Variants in SPEN observed in about 807,000 individuals in gnomAD.
The protein encoded by SPEN is spen family transcriptional repressor.
A neutral mutation model predicts 269.9 loss-of-function variants in SPEN; 18 were observed. The observed-to-expected ratio is 0.07, with a 90% CI of 0.05 to 0.10. SPEN has a LOEUF of 0.10. Ranked by LOEUF, SPEN falls within the 10% of genes least tolerant of loss-of-function variation. The probability of loss-of-function intolerance (pLI) is 1.00; values close to 1 mark genes in which losing one functional copy is unlikely to be tolerated. For synonymous variants in SPEN, 1,726 were observed against 1,765.7 expected (o/e 0.98, Z 0.56); for missense variants, 3,822 against 4,631.2 (o/e 0.83, Z 5.07).
Position 15,934,819 on chromosome 1 carries a change from C to G in SPEN, c.8579C>G (p.Ser2860Cys). The G allele has an allele frequency of 1.9e-6, 3 of 1,614,206 alleles. No homozygotes were observed. The highest frequency in any genetic ancestry group is 2.5e-6 in the Non-Finnish European group (3 of 1,180,030). Residue 2860 changes from serine to cysteine, a missense_variant, in exon 11 of 15, where the codon TCT (serine) becomes TGT (cysteine). Coordinates refer to ENST00000375759, the MANE Select transcript of SPEN (RefSeq NM_015001.3). This position sits in a 1 kb window ranked among gnomAD's most constrained non-coding sequence, Gnocchi z 9.2. The stretch of plus-strand genomic sequence containing the variant: ...TCCAAGTCCCAGGTCAAACCTGATT[C>G]TGTCACAGCATCGCAGCCTCCATCC... The part of the protein sequence containing the change: ...SVSKSQVKPD[S>C]VTASQPPSKG...
At chr1:15,902,782 G>T (rs1046475442) in intron 3 of SPEN, among the ~76,000 whole-genome samples, 3 of 152,204 alleles carry the variant, frequency 2.0e-5, no homozygotes, top group South Asian at 2.1e-4. Context: ...TATATGGAGA[G>T]AAAAATTATT....
Position 15,935,118 on chromosome 1 carries a change from C to T in SPEN, c.8878C>T (p.Leu2960Phe). The change falls in exon 11 of 15, where the codon CTT becomes TTT. Residue 2960 changes from leucine (L) to phenylalanine (F), a missense_variant. By Grantham distance (22) the Leu-to-Phe change is conservative. Around this residue, in one of 16 missense-constraint regions of SPEN, gnomAD observed 20 missense variants for 60.7 expected, o/e 0.33. Transcript: ENST00000375759. The surrounding 1 kb of genome is among the most constrained non-coding windows in gnomAD (Gnocchi z 7.7). ...TPSIVTTNKK[L>F]ADPVTLKIET... is the part of the protein sequence containing the mutation. ...AAGCATTGTCACCACAAACAAGAAG[C>T]TTGCTGACCCCGTCACCCTTAAAAT... 6.2e-7 allele frequency: 1 copy of T among 1,614,108 alleles called. No individual in the cohort carries two copies. Among genetic ancestry groups the T allele is most frequent in the Non-Finnish European group, 8.5e-7 (1 of 1,180,012 alleles).
At chr1:15,854,438 C>T (rs1013900923) in intron 1 of SPEN, among the ~76,000 whole-genome samples, 2 of 152,160 alleles carry the variant, frequency 1.3e-5, no homozygotes, top group Non-Finnish European at 2.9e-5. Context: ...GTGTACTCCT[C>T]TGTGGAAACC....
chr1:15,859,664 C>T (rs962773002), intron 1 of SPEN, among the ~76,000 whole-genome samples: 16 of 151,736 alleles, frequency 1.1e-4, no homozygotes, highest in Non-Finnish European at 1.8e-4. Flanking sequence ...CCACTGTGCC[C>T]GGCCTGAAAA....
Position 15,939,218 on chromosome 1 carries a change from C to G in SPEN, c.10864-78C>G. Reference sequence around the variant, plus strand: ...TGGCCTGGCTCTTAGCATTGGGCCTCTTCAGGGCTCCCCAATGGAAGTGGA... The same window carrying G: ...TGGCCTGGCTCTTAGCATTGGGCCTGTTCAGGGCTCCCCAATGGAAGTGGA... On this transcript the variant is annotated intron_variant, in intron 14 of 14. Coordinates refer to ENST00000375759, the MANE Select transcript of SPEN (RefSeq NM_015001.3). This position sits in a 1 kb window ranked among gnomAD's most constrained non-coding sequence, Gnocchi z 4.1. The G allele has an allele frequency of 6.7e-7, 1 of 1,488,358 alleles. No individual in the cohort carries two copies. Among genetic ancestry groups the G allele is most frequent in the East Asian group, 2.5e-5 (1 of 40,128 alleles). 92.2% of individuals were successfully genotyped at this position (1,488,358 alleles called of 1,614,324 possible).
At chr1:15,911,519 G>A (rs1274052312) in intron 5 of SPEN, among the ~76,000 whole-genome samples, 1 of 152,218 alleles carries the variant, frequency 6.6e-6, no homozygotes, top group Non-Finnish European at 1.5e-5. Flanking sequence ...TTCTGTTGCT[G>A]TAATGGAGCC....
chr1:15,937,507 G>A lies in SPEN; in HGVS notation c.10371G>A (p.Leu3457=). Residue 3457 remains leucine (L), a synonymous_variant, in exon 12 of 15, where the codon TTG becomes TTA. Transcript: ENST00000375759. The surrounding 1 kb of genome is among the most constrained non-coding windows in gnomAD (Gnocchi z 5.7). ...CTCAGACTGCCCCAAAACAGCCGTT[G>A]TTTGTCCCAACAACCTCTGGCCCCA... The part of the protein sequence containing the change: ...LPTQTAPKQP[L]FVPTTSGPST... 7 of 1,614,022 alleles carry A rather than the reference G, an allele frequency of 4.3e-6. No individual in the cohort carries two copies. The highest frequency in any genetic ancestry group is 5.1e-6 in the Non-Finnish European group (6 of 1,180,022).
chr1:15,880,009 TTTAAA>T (rs1412174951), intron 3 of SPEN, among the ~76,000 whole-genome samples: 1 of 152,194 alleles, frequency 6.6e-6, no homozygotes, highest in East Asian at 1.9e-4. Context: ...GTGTTTTAAA[TTTAAA>T]TTATTGCCAG....
chr1:15,936,061 C>G lies in SPEN; in HGVS notation c.9821C>G (p.Pro3274Arg), dbSNP rs990663059. 1.9e-6 allele frequency: 3 copies of G among 1,593,998 alleles called. No individual in the cohort carries two copies. Among genetic ancestry groups the G allele is most frequent in the Non-Finnish European group, 2.6e-6 (3 of 1,166,850 alleles). The change falls in exon 11 of 15, where the codon CCC becomes CGC. Residue 3274 changes from proline (P) to arginine (R), a missense_variant. Coordinates refer to ENST00000375759, the MANE Select transcript of SPEN (RefSeq NM_015001.3). Reference sequence around the variant, plus strand: ...GAGGCCCGTATCCTCACAGTTACCCCCAGTAACCAACTCCAGGGGCTGCCT... The same window carrying G: ...GAGGCCCGTATCCTCACAGTTACCCGCAGTAACCAACTCCAGGGGCTGCCT... ...HGEARILTVT[P>R]SNQLQGLPLT...
Position 15,928,876 on chromosome 1 carries a change from T to C in SPEN, c.2636T>C (p.Val879Ala). 6.2e-7 allele frequency: 1 copy of C among 1,614,068 alleles called. No individual in the cohort carries two copies. Among genetic ancestry groups the C allele is most frequent in the Non-Finnish European group, 8.5e-7 (1 of 1,180,012 alleles). ...KNRLELMPCV[V>A]LTRVKEKEGK... ...CGCCTGGAACTCATGCCTTGCGTGG[T>C]TTTGACTCGAGTGAAAGAGAAAGAG... Residue 879 changes from valine (V) to alanine (A), a missense_variant, in exon 11 of 15, where the codon GTT becomes GCT. By Grantham distance (64) the Val-to-Ala change is moderately conservative. Coordinates refer to ENST00000375759, the MANE Select transcript of SPEN (RefSeq NM_015001.3). The surrounding 1 kb of genome is among the most constrained non-coding windows in gnomAD (Gnocchi z 5.7).
chr1:15,877,894 A>G (rs1264370360), intron 3 of SPEN, among the ~76,000 whole-genome samples: 1 of 151,576 alleles, frequency 6.6e-6, no homozygotes, highest in Non-Finnish European at 1.5e-5. Context: ...ACAGGCACCC[A>G]TCACCATGCC....
chr1:15,915,404 G>T (rs2071049002), intron 5 of SPEN, among the ~76,000 whole-genome samples: 1 of 152,142 alleles, frequency 6.6e-6, no homozygotes, highest in Non-Finnish European at 1.5e-5. Context: ...TTGGAGGATT[G>T]CTTGAGCCTG....
intron 1 of SPEN, among the ~76,000 whole-genome samples, chr1:15,862,536 A>G (rs2070458240): frequency 6.6e-6 from 1 of 152,108 alleles, no homozygotes; most frequent in Non-Finnish European, 1.5e-5. Flanking sequence ...ATTTGCTCTA[A>G]CCAGTAGAAT....
chr1:15,931,139 T>G lies in SPEN; in HGVS notation c.4899T>G (p.Thr1633=), dbSNP rs985706861. 2.5e-6 allele frequency: 4 copies of G among 1,613,978 alleles called. No homozygotes were observed. The highest frequency in any genetic ancestry group is 1.7e-5 in the Admixed American group (1 of 59,992). The change falls in exon 11 of 15, where the codon ACT becomes ACG. Residue 1633 remains threonine, a synonymous_variant. Transcript: ENST00000375759. This position sits in a 1 kb window ranked among gnomAD's most constrained non-coding sequence, Gnocchi z 4.8. Reference sequence around the variant, plus strand: ...AGAATAAAGATTCAGAACTGAAAACTCCACCTTCCGTTGGGCCTCCAAGTG... The same window carrying G: ...AGAATAAAGATTCAGAACTGAAAACGCCACCTTCCGTTGGGCCTCCAAGTG... The part of the protein sequence containing the change: ...APENKDSELK[T]PPSVGPPSVT...
At chr1:15,853,547 G>A (rs556274139) in intron 1 of SPEN, among the ~76,000 whole-genome samples, 1 of 151,962 alleles carries the variant, frequency 6.6e-6, no homozygotes, top group African/African-American at 2.4e-5. Context: ...AGGCTGGAGT[G>A]CAGTGGCTTG....
In SPEN at chr1:15,931,785, C is replaced by T. The variant is rs763372934; in HGVS notation, c.5545C>T (p.Arg1849Trp). The T allele has an allele frequency of 2.2e-5, 35 of 1,613,952 alleles. No individual in the cohort carries two copies. The highest frequency in any genetic ancestry group is 2.7e-5 in the Non-Finnish European group (32 of 1,180,008). Residue 1849 changes from arginine to tryptophan, a missense_variant, in exon 11 of 15, where the codon CGG becomes TGG. Arg to Trp is a moderately radical substitution (Grantham distance 101). Transcript: ENST00000375759. The surrounding 1 kb of genome is among the most constrained non-coding windows in gnomAD (Gnocchi z 4.8). ...PVTRKSERID[R>W]EKLKRSNSPR... ...CACAAGGAAGAGTGAGAGGATAGAC[C>T]GGGAAAAACTCAAGCGGTCCAATTC...
At chr1:15,909,541 C>T (rs2070992169) in intron 4 of SPEN, 60 bp downstream of exon 4, 3 of 1,456,706 alleles carry the variant, frequency 2.1e-6, no homozygotes, top group Non-Finnish European at 2.8e-6. Context: ...AGGTATGATA[C>T]TGCATTACAT....
At position 15,931,495 on chromosome 1, in the gene SPEN, A is replaced by G; in HGVS notation, c.5255A>G (p.Glu1752Gly). The change falls in exon 11 of 15, where the codon GAG becomes GGG. Residue 1752 changes from glutamate (E) to glycine (G), a missense_variant. This residue lies in a region of SPEN where 533 missense variants were observed against 618.8 expected (regional missense o/e 0.86). Coordinates refer to ENST00000375759, the MANE Select transcript of SPEN (RefSeq NM_015001.3). This position sits in a 1 kb window ranked among gnomAD's most constrained non-coding sequence, Gnocchi z 4.8. ...CAGGCAGAGAGCAACGTAGATCCAGAGCCTGACAGTACCCAGCCACTTTCA... is the reference window on the plus strand; with the variant it reads ...CAGGCAGAGAGCAACGTAGATCCAGGGCCTGACAGTACCCAGCCACTTTCA... The part of the protein sequence containing the change: ...FSQAESNVDP[E>G]PDSTQPLSKP... 1 of 1,614,136 alleles carries G rather than the reference A, an allele frequency of 6.2e-7. No homozygotes were observed. Among genetic ancestry groups the G allele is most frequent in the South Asian group, 1.1e-5 (1 of 91,078 alleles).
intron 1 of SPEN, among the ~76,000 whole-genome samples, chr1:15,853,668 A>ATT (rs111363386): frequency 1.6e-5 from 2 of 126,204 alleles, no homozygotes; most frequent in African/African-American, 2.9e-5. Context: ...TAATTTTTGT[A>ATT]TTTTTTTTTT....
Sources: allele counts gnomAD v4.1 joint callset (sites outside exome capture counted in the v4.1 genomes callset), GRCh38; gene constraint gnomAD v4.1.1; regional missense constraint gnomAD v4.1.1; non-coding constraint Gnocchi (gnomAD v3.1); transcripts MANE v1.5; gene names NCBI Gene and HGNC (gene_info 2026-07-23, HGNC 2026-07-21).